The following SOS2 variants were observed in gnomAD, a reference collection of about 807,000 sequenced individuals.
The protein encoded by SOS2 is son of sevenless homolog 2.
A neutral mutation model predicts 148.2 loss-of-function variants in SOS2; 65 were observed. The observed-to-expected ratio is 0.44, with a 90% confidence interval of 0.36 to 0.54. The LOEUF is 0.54. Ranked by LOEUF, SOS2 falls within the 20% of genes least tolerant of loss-of-function variation. The pLI is 0.00. For missense variants in SOS2, 1,341 were observed against 1,590.2 expected (o/e 0.84, Z 2.67); for synonymous variants, 539 against 537.1 (o/e 1.00, Z -0.05).
At chr14:50,120,736 C>A (rs1305379223) in intron 21 of SOS2, among the ~76,000 whole-genome samples, 1 of 107,500 alleles carries the variant, frequency 9.3e-6, no homozygotes, top group Non-Finnish European at 1.7e-5. Context: ...AATCAGAGAC[C>A]TTTTTTTTTT....
At chr14:50,181,076 C>CA (rs1463511905) in intron 6 of SOS2, among the ~76,000 whole-genome samples, 2 of 152,270 alleles carry the variant, frequency 1.3e-5, no homozygotes, top group African/African-American at 4.8e-5. Context: ...GTGAACGTGG[C>CA]AAAGTGTTTC....
chr14:50,192,554 T>G (rs1399701316), intron 4 of SOS2, among the ~76,000 whole-genome samples: 1 of 151,494 alleles, frequency 6.6e-6, no homozygotes, highest in Non-Finnish European at 1.5e-5. Flanking sequence ...AGACCTTGTC[T>G]TTAAAAAAAA....
intron 4 of SOS2, among the ~76,000 whole-genome samples, chr14:50,194,036 C>A (rs4900996): frequency 6.6e-6 from 1 of 152,034 alleles, no homozygotes; most frequent in African/African-American, 2.4e-5. Flanking sequence ...TGAGCCACCA[C>A]GCCCGGCCAA....
At chr14:50,135,011 T>A (rs1180947835) in intron 18 of SOS2, among the ~76,000 whole-genome samples, 1 of 133,000 alleles carries the variant, frequency 7.5e-6, no homozygotes, top group African/African-American at 2.9e-5. Flanking sequence ...AGGCGGAGGT[T>A]GAGGTGAACC....
At chr14:50,191,260 T>C (rs1412149855) in intron 4 of SOS2, among the ~76,000 whole-genome samples, 1 of 152,064 alleles carries the variant, frequency 6.6e-6, no homozygotes, top group Non-Finnish European at 1.5e-5. Context: ...AGGCCAGGCA[T>C]TCAAGACCAG....
Position 50,204,739 on chromosome 14 carries a change from T to C in SOS2, c.88-330A>G, listed in dbSNP as rs114463312. Among the ~76,000 whole-genome samples the C allele has an allele frequency of 0.013, 2,044 of 152,236 alleles. 40 individuals are homozygous for C. The highest frequency in any genetic ancestry group is 0.045 in the African/African-American group (1,882 of 41,534). On this transcript the variant is annotated intron_variant, in intron 1 of 22. Coordinates refer to ENST00000216373, the MANE Select transcript of SOS2 (RefSeq NM_006939.4). ...CTGAAGTCAATAAACCTACTTGAAGTCTACGCAGGTCATGAATCCCAGTAA... is the reference window on the plus strand; with the variant it reads ...CTGAAGTCAATAAACCTACTTGAAGCCTACGCAGGTCATGAATCCCAGTAA...
chr14:50,162,683 ACTG>A (rs1431262620), intron 8 of SOS2, among the ~76,000 whole-genome samples: 2 of 152,146 alleles, frequency 1.3e-5, no homozygotes, highest in Admixed American at 6.6e-5. Flanking sequence ...AAAGGATTCC[ACTG>A]CTATTTTTTA....
At chr14:50,127,103 C>T (rs775036254) in intron 21 of SOS2, among the ~76,000 whole-genome samples, 2 of 150,454 alleles carry the variant, frequency 1.3e-5, no homozygotes, top group Non-Finnish European at 3.0e-5. Flanking sequence ...TAGTTAGAGA[C>T]GTTTCTTAGC....
intron 11 of SOS2, among the ~76,000 whole-genome samples, chr14:50,157,377 G>C (rs1884854284): frequency 6.6e-6 from 1 of 151,910 alleles, no homozygotes; most frequent in South Asian, 2.1e-4. Flanking sequence ...AAAGAGCCAA[G>C]GAAAGAATTC....
chr14:50,145,376 T>G (rs772699541), intron 15 of SOS2, 44 bp from the exon 16 acceptor site: 1 of 1,568,720 alleles, frequency 6.4e-7, no homozygotes, highest in African/African-American at 1.4e-5. Context: ...TTTCTTCACC[T>G]CACTTAGAAA....
chr14:50,162,825 ACT>A (rs1306921180), intron 8 of SOS2, among the ~76,000 whole-genome samples: 1 of 151,720 alleles, frequency 6.6e-6, no homozygotes, highest in African/African-American at 2.4e-5. Context: ...CTTGTATTTC[ACT>A]CTCAGAAAGA....
chr14:50,126,537 G>C (rs1285614461), intron 21 of SOS2, among the ~76,000 whole-genome samples: 3 of 152,046 alleles, frequency 2.0e-5, no homozygotes, highest in Admixed American at 1.3e-4. Context: ...TCCTAAGAGA[G>C]ATAAGACAGT....
chr14:50,162,241 T>C (rs933747309), intron 8 of SOS2, among the ~76,000 whole-genome samples: 1 of 152,110 alleles, frequency 6.6e-6, no homozygotes, highest in Non-Finnish European at 1.5e-5. Context: ...AGCCTCGATC[T>C]CCTGGGCATA....
At position 50,140,063 on chromosome 14, in the gene SOS2, A is replaced by G. The variant is rs763298498; in HGVS notation, c.2668-4T>C. Reference sequence around the variant, plus strand: ...TCCTTTTCCTTTCCTGCAGTGCCTTAAAGTATACATAAATTGAGTATAAAT... The same window carrying G: ...TCCTTTTCCTTTCCTGCAGTGCCTTGAAGTATACATAAATTGAGTATAAAT... On this transcript the variant is annotated splice_polypyrimidine_tract_variant and splice_region_variant and intron_variant, in intron 16 of 22. Coordinates refer to ENST00000216373, the MANE Select transcript of SOS2 (RefSeq NM_006939.4). 47 of 1,316,120 alleles carry G rather than the reference A, an allele frequency of 3.6e-5. No homozygotes were observed. In the East Asian group the frequency reaches 8.1e-4, roughly 23 times the overall value. 81.5% of individuals were successfully genotyped at this position (1,316,120 alleles called of 1,614,324 possible).
At chr14:50,219,289 G>A (rs950896895) in intron 1 of SOS2, among the ~76,000 whole-genome samples, 33 of 151,312 alleles carry the variant, frequency 2.2e-4, no homozygotes, top group Admixed American at 1.1e-3. Flanking sequence ...ACATAAATAA[G>A]TGAATGGATA....
intron 14 of SOS2, among the ~76,000 whole-genome samples, chr14:50,149,109 C>A (rs1884583582): frequency 6.6e-6 from 1 of 152,152 alleles, no homozygotes; most frequent in African/African-American, 2.4e-5. Context: ...GTTGCTCAGG[C>A]TGGTCTTGAA....
intron 1 of SOS2, among the ~76,000 whole-genome samples, chr14:50,225,130 T>C (rs1854742688): frequency 6.6e-6 from 1 of 152,164 alleles, no homozygotes; most frequent in South Asian, 2.1e-4. Context: ...AAGAAAATAA[T>C]TTTTTATGGA....
chr14:50,147,954 C>CT (rs1196636161), intron 14 of SOS2, among the ~76,000 whole-genome samples: 2 of 151,980 alleles, frequency 1.3e-5, no homozygotes, highest in East Asian at 1.9e-4. Context: ...GACCCTATCT[C>CT]TTTTTTTTCT....
rs1036025978 is a variant in SOS2, at chr14:50,124,206, A to G, written c.3380-3822T>C. On this transcript the variant is annotated intron_variant, in intron 21 of 22. Coordinates refer to ENST00000216373, the MANE Select transcript of SOS2 (RefSeq NM_006939.4). The stretch of plus-strand genomic sequence containing the variant: ...ATTATCATCATGTAAACGATACAAG[A>G]CTGAACAACCAAGTGAGTGAGAAGA... Among the ~76,000 whole-genome samples, 5 of 152,172 alleles carry G rather than the reference A, an allele frequency of 3.3e-5. No homozygotes were observed. The South Asian group carries it at 8.3e-4, about 25-fold the overall frequency.
Sources: allele counts gnomAD v4.1 joint callset (sites outside exome capture counted in the v4.1 genomes callset), GRCh38; gene constraint gnomAD v4.1.1; transcripts MANE v1.5; gene names NCBI Gene and HGNC (gene_info 2026-07-23, HGNC 2026-07-21).